Variants in EIF2AK2 observed in about 807,000 individuals in gnomAD.
The protein encoded by EIF2AK2 is interferon-induced, double-stranded RNA-activated protein kinase.
EIF2AK2 carries 40 observed loss-of-function variants against 70.5 expected under a neutral mutation model. That is an observed-to-expected ratio of 0.57 (90% CI 0.44 to 0.74). The LOEUF is 0.74. Ranked by LOEUF, EIF2AK2 falls within the 30% of genes least tolerant of loss-of-function variation. The pLI, the probability that EIF2AK2 is intolerant of heterozygous loss-of-function variation, is 0.00. For synonymous variants in EIF2AK2, 198 were observed against 220.9 expected, an observed-to-expected ratio of 0.90 and a Z score of 0.92; for missense variants, 555 against 644.3, an observed-to-expected ratio of 0.86 and a Z score of 1.50.
chr2:37,150,728 T>G (rs1268424793), intron 1 of EIF2AK2, among the ~76,000 whole-genome samples: 1 of 152,176 alleles, frequency 6.6e-6, no homozygotes, highest in East Asian at 1.9e-4. Context: ...CCACGTATTC[T>G]TCAAATAAAA....
At position 37,148,904 on chromosome 2, in the gene EIF2AK2, T is replaced by C. The variant is rs957527571; in HGVS notation, c.-64A>G. The C allele has an allele frequency of 1.2e-6, 1 of 826,860 alleles. No homozygotes were observed. 51.2% of individuals were successfully genotyped at this position (826,860 alleles called of 1,614,324 possible). A position where few individuals can be genotyped will look rare whatever the true frequency, so the allele number is the denominator to read the frequency against. On this transcript the variant is annotated 5_prime_UTR_variant, in exon 2 of 17. Coordinates refer to ENST00000233057, the MANE Select transcript of EIF2AK2 (RefSeq NM_001135651.3). ...ATGCACGCAGATAATCACGGAAGTG[T>C]GGATGTTGATTCTGAAGACCGCCAG...
rs1464400191 is a variant in EIF2AK2 at position 37,141,540 on chromosome 2, A to G, written c.389+13T>C. The G allele has an allele frequency of 5.6e-6, 9 of 1,603,426 alleles. No individual in the cohort carries two copies. The highest frequency in any genetic ancestry group is 7.6e-6 in the Non-Finnish European group (9 of 1,177,712). On this transcript the variant is annotated intron_variant, in intron 5 of 16. Coordinates refer to ENST00000233057, the MANE Select transcript of EIF2AK2 (RefSeq NM_001135651.3). ...TACAATGAAACAGAAAGAAAAGCCA[A>G]ATTATGTCTTACCCTTCTGGCCCAT...
Position 37,101,369 on chromosome 2 carries a change from C to T in EIF2AK2, c.*5904G>A, listed in dbSNP as rs1269118226. On this transcript the variant is annotated 3_prime_UTR_variant, in exon 17 of 17. Coordinates refer to ENST00000233057, the MANE Select transcript of EIF2AK2 (RefSeq NM_001135651.3). Reference sequence around the variant, plus strand: ...GAACCAGAAAATCACTATTTTACAACCCCTGAAATGAAATAATGGATCCAG... The same window carrying T: ...GAACCAGAAAATCACTATTTTACAATCCCTGAAATGAAATAATGGATCCAG... 6.6e-6 allele frequency: 1 copy of T among 152,122 alleles called. No individual in the cohort carries two copies. The highest frequency in any genetic ancestry group is 6.6e-5 in the Admixed American group (1 of 15,266). 9.4% of individuals were successfully genotyped at this position (152,122 alleles called of 1,614,324 possible). A position where few individuals can be genotyped will look rare whatever the true frequency, so the allele number is the denominator to read the frequency against.
intron 1 of EIF2AK2, among the ~76,000 whole-genome samples, chr2:37,151,282 A>G (rs1467706367): frequency 1.3e-5 from 2 of 152,190 alleles, no homozygotes; most frequent in Non-Finnish European, 2.9e-5. Flanking sequence ...AAATAGGCAA[A>G]GGGGCTTGAA....
intron 10 of EIF2AK2, among the ~76,000 whole-genome samples, chr2:37,127,657 G>A (rs1212394185): frequency 6.6e-6 from 1 of 151,504 alleles, no homozygotes; most frequent in African/African-American, 2.4e-5. Flanking sequence ...TGTGACCCCA[G>A]AGAAACCTCG....
intron 1 of EIF2AK2, among the ~76,000 whole-genome samples, chr2:37,152,001 G>A (rs1675760522): frequency 6.6e-6 from 1 of 152,258 alleles, no homozygotes; most frequent in Admixed American, 6.5e-5. Context: ...GGCAGGCGGA[G>A]CTTGCAGTGA....
chr2:37,141,488 G>T, intron 5 of EIF2AK2, 65 bp downstream of exon 5: 1 of 1,566,178 alleles, frequency 6.4e-7, no homozygotes, highest in Non-Finnish European at 8.6e-7. Flanking sequence ...AATTAGACAC[G>T]AAAATAAACC....
rs1674591230 is a variant in EIF2AK2 at position 37,122,501 on chromosome 2, G to C, written c.1067+5C>G. The C allele has an allele frequency of 6.2e-7, 1 of 1,611,164 alleles. No individual in the cohort carries two copies. The highest frequency in any genetic ancestry group is 8.5e-7 in the Non-Finnish European group (1 of 1,179,342). ...TTATGGCTATGAGAATTTATTTTTA[G>C]TTACCTTGAACTATTTTTGCTGTTC... On this transcript the variant is annotated splice_donor_5th_base_variant and intron_variant, in intron 12 of 16. Coordinates refer to ENST00000233057, the MANE Select transcript of EIF2AK2 (RefSeq NM_001135651.3).
intron 8 of EIF2AK2, among the ~76,000 whole-genome samples, chr2:37,138,005 G>T (rs914768232): frequency 6.6e-6 from 1 of 151,530 alleles, no homozygotes; most frequent in Non-Finnish European, 1.5e-5. Flanking sequence ...AGCTACTCAG[G>T]AGGCTGAGGC....
intron 2 of EIF2AK2, chr2:37,148,396 G>A (rs1675628643): frequency 1.2e-5 from 4 of 322,784 alleles, no homozygotes; most frequent in Non-Finnish European, 2.3e-5. Flanking sequence ...GGAAATGAAC[G>A]GGCAGGCAAG....
intron 4 of EIF2AK2, among the ~76,000 whole-genome samples, chr2:37,142,595 T>C (rs1675373368): frequency 6.6e-6 from 1 of 152,114 alleles, no homozygotes; most frequent in African/African-American, 2.4e-5. Context: ...TCTAACTTCT[T>C]GACTCAATTT....
At chr2:37,129,215 G>A (rs1558418640) in intron 10 of EIF2AK2, among the ~76,000 whole-genome samples, 2 of 151,952 alleles carry the variant, frequency 1.3e-5, no homozygotes, top group Non-Finnish European at 2.9e-5. Flanking sequence ...GCTTGCCTCT[G>A]CTGTCCAAAA....
rs192725427 is a variant in EIF2AK2, at chr2:37,142,751, G to C, written c.241-1050C>G. 1.3e-3 allele frequency among the ~76,000 whole-genome samples: 193 copies of C among 152,142 alleles called. 1 individual carries two copies. Among genetic ancestry groups the C allele is most frequent in the Admixed American group, 4.1e-3 (63 of 15,274 alleles). On this transcript the variant is annotated intron_variant, in intron 4 of 16. Coordinates refer to ENST00000233057, the MANE Select transcript of EIF2AK2 (RefSeq NM_001135651.3). ...TTCCAAATCTGAGAATGGCCCTCTG[G>C]TGTCTAAAATGTAAATGACTTCATG... is the stretch of plus-strand genomic sequence containing the variant.
At chr2:37,121,573 G>A (rs1227993654) in intron 12 of EIF2AK2, among the ~76,000 whole-genome samples, 2 of 148,714 alleles carry the variant, frequency 1.3e-5, no homozygotes, top group African/African-American at 4.9e-5. Context: ...GGTACTCTAA[G>A]AGAAGTGCCA....
intron 14 of EIF2AK2, among the ~76,000 whole-genome samples, chr2:37,113,419 CG>C: frequency 7.0e-6 from 1 of 142,380 alleles, no homozygotes; most frequent in Non-Finnish European, 1.5e-5. Flanking sequence ...TGCTTGAACC[CG>C]GGAGGCAGAG....
At chr2:37,146,807 T>G in intron 4 of EIF2AK2, 46 bp downstream of exon 4, 2 of 1,587,126 alleles carry the variant, frequency 1.3e-6, no homozygotes, top group Non-Finnish European at 8.5e-7. Context: ...AAACAGAAAA[T>G]GTATTTGCAA....
chr2:37,150,157 A>C (rs1675693835), intron 1 of EIF2AK2, among the ~76,000 whole-genome samples: 1 of 145,732 alleles, frequency 6.9e-6, no homozygotes, highest in Non-Finnish European at 1.5e-5. Flanking sequence ...AAAAAAAAAA[A>C]CAAACTTCAC....
intron 13 of EIF2AK2, among the ~76,000 whole-genome samples, chr2:37,115,856 C>T (rs1224915766): frequency 6.6e-6 from 1 of 151,842 alleles, no homozygotes; most frequent in African/African-American, 2.4e-5. Flanking sequence ...TTTATCCATG[C>T]AATTCTTTAA....
Position 37,135,516 on chromosome 2 carries a change from G to A in EIF2AK2, c.753C>T (p.Asp251=), listed in dbSNP as rs751794277. 1 of 1,609,878 alleles carries A rather than the reference G, an allele frequency of 6.2e-7. No homozygotes were observed. The highest frequency in any genetic ancestry group is 1.7e-5 in the Admixed American group (1 of 59,538). ...RSLAPRFDLP[D]MKETKYTVDK... ...CCACAGTATACTTTGTTTCTTTCAT[G>A]TCAGGAAGGTCAAATCTGGGTGCCA... The change falls in exon 10 of 17, where the codon GAC becomes GAT. Residue 251 remains aspartate (D), a synonymous_variant. Coordinates refer to ENST00000233057, the MANE Select transcript of EIF2AK2 (RefSeq NM_001135651.3).
Sources: allele counts gnomAD v4.1 joint callset (sites outside exome capture counted in the v4.1 genomes callset), GRCh38; gene constraint gnomAD v4.1.1; transcripts MANE v1.5; gene names NCBI Gene and HGNC (gene_info 2026-07-23, HGNC 2026-07-21).